ZFHX4: variants seen among roughly 807,000 people sequenced by gnomAD.
The protein encoded by ZFHX4 is zinc finger homeobox protein 4.
In ZFHX4, 56 loss-of-function variants were observed where a neutral mutation model predicts 267.6. The ratio of observed to expected loss-of-function variants is 0.21; its 90% CI spans 0.17 to 0.26. The LOEUF is 0.26. ZFHX4 is among the 10% of genes least tolerant of loss of function. The pLI, the probability that ZFHX4 is intolerant of heterozygous loss-of-function variation, is 1.00. For missense variants in ZFHX4, 4,332 were observed against 4,420.0 expected (o/e 0.98, Z 0.56); for synonymous variants, 1,778 against 1,665.6 (o/e 1.07, Z -1.64).
rs139885399 is a variant in ZFHX4 at position 76,861,337 on chromosome 8, T to A, written c.9380-1757T>A. 1.1e-4 allele frequency among the ~76,000 whole-genome samples: 16 copies of A among 152,320 alleles called. No homozygotes were observed. The East Asian group carries it at 3.1e-3, about 29-fold the overall frequency. On this transcript the variant is annotated intron_variant, in intron 10 of 10. Transcript: ENST00000651372. ...GTGACAGCTGTAAAATTTAGTCTCC[T>A]CTAGCTCATCTGCCATTGAGTCATA...
chr8:76,717,064 C>G (rs1186098751), intron 3 of ZFHX4, among the ~76,000 whole-genome samples: 1 of 152,140 alleles, frequency 6.6e-6, no homozygotes, highest in Non-Finnish European at 1.5e-5. Context: ...ACAACTGAAG[C>G]ACAATCTACT....
chr8:76,842,965 T>C (rs139639130), intron 6 of ZFHX4, among the ~76,000 whole-genome samples, 194 bp downstream of exon 6: 3 of 152,316 alleles, frequency 2.0e-5, no homozygotes, highest in African/African-American at 7.2e-5. Context: ...CCCATTGACC[T>C]ATTTTTAATC....
chr8:76,715,844 T>G (rs2131630022), intron 3 of ZFHX4, among the ~76,000 whole-genome samples: 1 of 152,316 alleles, frequency 6.6e-6, no homozygotes, highest in African/African-American at 2.4e-5. Flanking sequence ...TTCTTTTGAT[T>G]TAGAATTTCC....
At chr8:76,835,015 T>C (rs1260400131) in intron 5 of ZFHX4, among the ~76,000 whole-genome samples, 6 of 151,106 alleles carry the variant, frequency 4.0e-5, no homozygotes, top group Non-Finnish European at 7.4e-5. Flanking sequence ...CTGCTAATAA[T>C]TTTTCACATC....
At chr8:76,735,063 T>C (rs556472132) in intron 3 of ZFHX4, among the ~76,000 whole-genome samples, 113 of 152,272 alleles carry the variant, frequency 7.4e-4, no homozygotes, top group Admixed American at 2.0e-3. Flanking sequence ...TTGATAGATA[T>C]AATGTGATTT....
intron 5 of ZFHX4, among the ~76,000 whole-genome samples, chr8:76,839,324 C>A (rs1312302950): frequency 1.3e-5 from 2 of 152,046 alleles, no homozygotes; most frequent in Non-Finnish European, 1.5e-5. Flanking sequence ...TCATTTTAGA[C>A]ATGTCAAAAA....
At chr8:76,700,766 G>A (rs1016955495) in intron 1 of ZFHX4, among the ~76,000 whole-genome samples, 2 of 152,178 alleles carry the variant, frequency 1.3e-5, no homozygotes, top group African/African-American at 4.8e-5. Context: ...GTATTGCTCT[G>A]AATTTAGCAT....
chr8:76,686,101 G>A (rs977825097), intron 1 of ZFHX4, among the ~76,000 whole-genome samples: 8 of 152,144 alleles, frequency 5.3e-5, no homozygotes, highest in Non-Finnish European at 8.8e-5. Context: ...GGTGTTTTAT[G>A]GTCTTAAACC....
At chr8:76,749,261 C>T (rs537994752) in intron 3 of ZFHX4, among the ~76,000 whole-genome samples, 1 of 152,210 alleles carries the variant, frequency 6.6e-6, no homozygotes, top group Admixed American at 6.5e-5. Context: ...TCACAAAGTA[C>T]TAGTTTGAGG....
At position 76,814,814 on chromosome 8, in the gene ZFHX4, T is replaced by C. The variant is rs185587090; in HGVS notation, c.3326-18524T>C. On this transcript the variant is annotated intron_variant, in intron 4 of 10. Transcript: ENST00000651372. ...AGAACTTCCTAGGTCCATTGTCTTTTTGAAGAAACCATCTTAGAAAGATGG... is the reference window on the plus strand; with the variant it reads ...AGAACTTCCTAGGTCCATTGTCTTTCTGAAGAAACCATCTTAGAAAGATGG... Among the ~76,000 whole-genome samples, 573 of 152,254 alleles carry C rather than the reference T, an allele frequency of 3.8e-3. 3 individuals carry two copies. Among genetic ancestry groups the C allele is most frequent in the Admixed American group, 6.6e-3 (101 of 15,282 alleles).
At chr8:76,823,484 C>T (rs1811707644) in intron 4 of ZFHX4, among the ~76,000 whole-genome samples, 2 of 152,148 alleles carry the variant, frequency 1.3e-5, no homozygotes, top group Non-Finnish European at 2.9e-5. Flanking sequence ...CATCTTGGCT[C>T]CAAGCTAGCT....
At chr8:76,760,954 A>AG (rs1180333378) in intron 3 of ZFHX4, among the ~76,000 whole-genome samples, 1,512 of 147,570 alleles carry the variant, frequency 0.01, 30 homozygotes, top group African/African-American at 0.036. Context: ...AAAAAAAGAG[A>AG]AAAAAAAGTT....
At chr8:76,746,421 C>A (rs1341246451) in intron 3 of ZFHX4, among the ~76,000 whole-genome samples, 4 of 152,086 alleles carry the variant, frequency 2.6e-5, no homozygotes, top group African/African-American at 9.7e-5. Context: ...AAACAAAAAA[C>A]AAACAAGAAA....
At chr8:76,797,861 G>T (rs577045259) in intron 4 of ZFHX4, among the ~76,000 whole-genome samples, 1 of 151,098 alleles carries the variant, frequency 6.6e-6, no homozygotes, top group African/African-American at 2.4e-5. Context: ...GGTATAATTT[G>T]TGGAGTTTTG....
At chr8:76,833,853 C>T (rs1812002888) in intron 5 of ZFHX4, among the ~76,000 whole-genome samples, 2 of 152,118 alleles carry the variant, frequency 1.3e-5, no homozygotes, top group Admixed American at 6.5e-5. Context: ...AGAACAGTTT[C>T]ACTTCTCTAT....
At chr8:76,742,624 TGTGA>T (rs1385287708) in intron 3 of ZFHX4, among the ~76,000 whole-genome samples, 2 of 152,242 alleles carry the variant, frequency 1.3e-5, no homozygotes, top group African/African-American at 2.4e-5. Flanking sequence ...TTTGTTTCAC[TGTGA>T]GTATGTCTTC....
chr8:76,702,222 A>G (rs1276433539), intron 1 of ZFHX4, among the ~76,000 whole-genome samples: 1 of 152,184 alleles, frequency 6.6e-6, no homozygotes, highest in African/African-American at 2.4e-5. Flanking sequence ...AGGGTTTGTG[A>G]TGTTTGATTT....
chr8:76,742,336 A>G (rs933791393), intron 3 of ZFHX4, among the ~76,000 whole-genome samples: 6 of 152,056 alleles, frequency 3.9e-5, no homozygotes, highest in African/African-American at 1.4e-4. Context: ...GAATCTGGCA[A>G]TTTTGGCGGC....
chr8:76,854,508 G>A lies in ZFHX4; in HGVS notation c.7587G>A (p.Leu2529=). 1 of 1,613,808 alleles carries A rather than the reference G, an allele frequency of 6.2e-7. No homozygotes were observed. The highest frequency in any genetic ancestry group is 8.5e-7 in the Non-Finnish European group (1 of 1,179,864). ...ACCAATTCCTTCACTCTCCGTTCTT[G>A]GAAAGGCCCATGGACATGCCCTACA... The part of the protein sequence containing the change: ...AQNQFLHSPF[L]ERPMDMPYMI... Residue 2529 remains leucine (L), a synonymous_variant, in exon 10 of 11, where the codon TTG becomes TTA. Transcript: ENST00000651372.
Sources: gnomAD v4.1 joint callset for allele counts (sites outside exome capture counted in the v4.1 genomes callset) on GRCh38, gnomAD v4.1.1 for gene constraint, MANE v1.5 for transcripts, NCBI Gene and HGNC (gene_info 2026-07-23, HGNC 2026-07-21) for gene names.